NTRK2: variants seen among roughly 807,000 people sequenced by gnomAD.
The protein encoded by NTRK2 is neurotrophic receptor tyrosine kinase 2.
In NTRK2, 13 loss-of-function variants were observed where a neutral mutation model predicts 94.5. The observed-to-expected ratio is 0.14, with a 90% confidence interval of 0.09 to 0.22. NTRK2 has a LOEUF of 0.22. NTRK2 is among the 10% of genes least tolerant of loss of function. The pLI, the probability that NTRK2 is intolerant of heterozygous loss-of-function variation, is 1.00. For synonymous variants in NTRK2, 372 were observed against 407.4 expected (o/e 0.91, Z 1.05); for missense variants, 639 against 1,071.2 (o/e 0.60, Z 5.63).
intron 14 of NTRK2, 102 bp downstream of exon 14, chr9:84,867,533 G>T (rs1015377571): frequency 6.7e-5 from 67 of 1,005,908 alleles, no homozygotes; most frequent in Non-Finnish European, 9.2e-5. Flanking sequence ...GGGGAACAGG[G>T]TGCAGTGAAA....
At chr9:84,810,951 G>T in intron 12 of NTRK2, 2 of 1,132,734 alleles carry the variant, frequency 1.8e-6, no homozygotes, top group Non-Finnish European at 2.2e-6. Context: ...TGACTTAATT[G>T]CTTCTGTTTA....
At chr9:84,972,951 C>T (rs142198216) in intron 17 of NTRK2, among the ~76,000 whole-genome samples, 9 of 152,312 alleles carry the variant, frequency 5.9e-5, no homozygotes, top group African/African-American at 2.2e-4. Context: ...GATTTCAGCT[C>T]TCCCTACGCT....
chr9:84,817,179 C>T (rs1030789932), intron 12 of NTRK2, among the ~76,000 whole-genome samples: 2 of 152,172 alleles, frequency 1.3e-5, no homozygotes, highest in African/African-American at 4.8e-5. Context: ...TTCAAAGGAG[C>T]TTTGGTTGGC....
intron 13 of NTRK2, among the ~76,000 whole-genome samples, chr9:84,864,977 G>T (rs866815941): frequency 6.6e-6 from 1 of 151,974 alleles, no homozygotes; most frequent in African/African-American, 2.4e-5. Context: ...CTAACCTCGT[G>T]ATCTGCCTGC....
At position 84,699,008 on chromosome 9, in the gene NTRK2, G is replaced by C. The variant is rs537263839; in HGVS notation, c.213-3151G>C. ...AGTAGCTTATGAGGGGGAATTCTTA[G>C]GATCTACTACTAGAGGAGCCCTTGC... On this transcript the variant is annotated intron_variant, in intron 2 of 18. Coordinates refer to ENST00000277120, the MANE Select transcript of NTRK2 (RefSeq NM_006180.6). Among the ~76,000 whole-genome samples the C allele has an allele frequency of 7.2e-5, 11 of 151,874 alleles. No individual in the cohort carries two copies. In the East Asian group the frequency reaches 2.1e-3, roughly 30 times the overall value.
At chr9:84,966,528 T>C (rs1825578107) in intron 17 of NTRK2, among the ~76,000 whole-genome samples, 1 of 151,994 alleles carries the variant, frequency 6.6e-6, no homozygotes, top group Non-Finnish European at 1.5e-5. Flanking sequence ...ACCTCCCGGG[T>C]TCAAGTGAGT....
At chr9:85,020,131 G>C (rs1159853690) in intron 17 of NTRK2, 75 bp from the exon 18 acceptor site, 16 of 1,499,748 alleles carry the variant, frequency 1.1e-5, no homozygotes, top group African/African-American at 2.8e-5. Context: ...AAAGCAAACA[G>C]TGTCCCCCAG....
chr9:84,707,343 G>GT (rs199921838), intron 4 of NTRK2, among the ~76,000 whole-genome samples: 18 of 151,782 alleles, frequency 1.2e-4, no homozygotes, highest in Non-Finnish European at 1.9e-4. Context: ...TCTCAGTAGA[G>GT]TTTTTTTTAT....
In NTRK2 at chr9:84,811,686, C is replaced by T. The variant is rs201189896; in HGVS notation, c.1397-49354C>T. ...TCATGGGTAGGAAAGCTTGTCCTGACCCCAGCAGCAAAGAGGTGGCAGGTC... is the reference window on the plus strand; with the variant it reads ...TCATGGGTAGGAAAGCTTGTCCTGATCCCAGCAGCAAAGAGGTGGCAGGTC... On this transcript the variant is annotated intron_variant, in intron 12 of 18. Coordinates refer to ENST00000277120, the MANE Select transcript of NTRK2 (RefSeq NM_006180.6). 44 of 1,065,482 alleles carry T rather than the reference C, an allele frequency of 4.1e-5. No individual in the cohort carries two copies. The African/African-American group carries it at 6.7e-4, about 16-fold the overall frequency. 66.0% of individuals were successfully genotyped at this position (1,065,482 alleles called of 1,614,324 possible). A position where few individuals can be genotyped will look rare whatever the true frequency, so the allele number is the denominator to read the frequency against.
intron 12 of NTRK2, among the ~76,000 whole-genome samples, chr9:84,817,912 C>T (rs983883057): frequency 6.6e-6 from 1 of 152,154 alleles, no homozygotes; most frequent in Non-Finnish European, 1.5e-5. Context: ...TCATAATTTG[C>T]ACTTTTTTCC....
chr9:84,854,095 G>T (rs1370534129), intron 12 of NTRK2, among the ~76,000 whole-genome samples: 1 of 147,652 alleles, frequency 6.8e-6, no homozygotes, highest in Non-Finnish European at 1.5e-5. Flanking sequence ...GAAAAGAAAA[G>T]AAAAAAGAAA....
intron 2 of NTRK2, among the ~76,000 whole-genome samples, chr9:84,690,181 G>A (rs964953816): frequency 2.0e-5 from 3 of 152,158 alleles, no homozygotes; most frequent in African/African-American, 7.2e-5. Flanking sequence ...ATAAAAGTTG[G>A]CTGAAAAATT....
rs117392558 is a variant in NTRK2 at position 84,964,368 on chromosome 9, G to A, written c.2172+8851G>A. Among the ~76,000 whole-genome samples, 604 of 152,254 alleles carry A rather than the reference G, an allele frequency of 4.0e-3. 4 individuals are homozygous for A. The highest frequency in any genetic ancestry group is 6.8e-3 in the Middle Eastern group (2 of 294). On this transcript the variant is annotated intron_variant, in intron 17 of 18. Coordinates refer to ENST00000277120, the MANE Select transcript of NTRK2 (RefSeq NM_006180.6). The stretch of plus-strand genomic sequence containing the variant: ...ACTCTGCCCAATGCCCCATGAATCC[G>A]GAGGTCCTCACCCTGCTTCATAGGA...
chr9:84,871,888 A>G, intron 14 of NTRK2: 1 of 1,613,014 alleles, frequency 6.2e-7, no homozygotes, highest in Non-Finnish European at 8.5e-7. Flanking sequence ...TGCCTGATGG[A>G]GGAGAAGAGT....
intron 6 of NTRK2, 54 bp downstream of exon 6, chr9:84,710,845 C>T (rs137999359): frequency 6.3e-7 from 1 of 1,580,874 alleles, no homozygotes; most frequent in East Asian, 2.2e-5. Context: ...TTCTCATTGC[C>T]TTGGTGCGGT....
intron 12 of NTRK2, among the ~76,000 whole-genome samples, chr9:84,828,527 A>G (rs1049316152): frequency 2.6e-5 from 4 of 152,146 alleles, no homozygotes; most frequent in Non-Finnish European, 5.9e-5. Context: ...CTACCCCCAG[A>G]TGAATTATTG....
intron 14 of NTRK2, chr9:84,873,280 T>C (rs2075937070): frequency 9.4e-7 from 1 of 1,059,876 alleles, no homozygotes. Flanking sequence ...CTTTGGGAGT[T>C]GTTTGTATGC....
chr9:84,777,723 A>G (rs1307167674), intron 12 of NTRK2, among the ~76,000 whole-genome samples: 5 of 152,232 alleles, frequency 3.3e-5, no homozygotes, highest in Admixed American at 6.5e-5. Flanking sequence ...CCTGAAAATT[A>G]GACAAAGAAG....
chr9:84,962,538 T>C (rs1290861407), intron 17 of NTRK2, among the ~76,000 whole-genome samples: 2 of 152,144 alleles, frequency 1.3e-5, no homozygotes, highest in African/African-American at 4.8e-5. Context: ...CTAGCCCCTA[T>C]ACTTTATACG....
Sources: gnomAD v4.1 joint callset for allele counts (sites outside exome capture counted in the v4.1 genomes callset) on GRCh38, gnomAD v4.1.1 for gene constraint, MANE v1.5 for transcripts, NCBI Gene and HGNC (gene_info 2026-07-23, HGNC 2026-07-21) for gene names.